Variants in EIF4ENIF1 observed in about 807,000 individuals in gnomAD.
EIF4ENIF1 encodes eukaryotic translation initiation factor 4E transporter.
A neutral mutation model predicts 110.5 loss-of-function variants in EIF4ENIF1; 23 were observed. That is an observed-to-expected ratio of 0.21 (90% CI 0.15 to 0.29). EIF4ENIF1 has a LOEUF of 0.29. Among genes scored for constraint, EIF4ENIF1 ranks in the 10% least tolerant of loss-of-function variants. The pLI, the probability that EIF4ENIF1 is intolerant of heterozygous loss-of-function variation, is 1.00. For synonymous variants in EIF4ENIF1, 440 were observed against 437.0 expected, an observed-to-expected ratio of 1.01 and a Z score of -0.09; for missense variants, 1,031 against 1,221.1, an observed-to-expected ratio of 0.84 and a Z score of 2.32.
chr22:31,449,558 T>G, intron 11 of EIF4ENIF1, 27 bp from the exon 12 acceptor site: 1 of 1,598,876 alleles, frequency 6.3e-7, no homozygotes, highest in Non-Finnish European at 8.5e-7. Flanking sequence ...CAAATCCCTG[T>G]GAACTTAGTT....
At chr22:31,487,296 G>A (rs1371063336) in intron 2 of EIF4ENIF1, among the ~76,000 whole-genome samples, 1 of 152,150 alleles carries the variant, frequency 6.6e-6, no homozygotes, top group Non-Finnish European at 1.5e-5. Context: ...TCCTAAGAGA[G>A]CAATCAACCA....
upstream of EIF4ENIF1, among the ~76,000 whole-genome samples, chr22:31,490,726 C>T (rs1443190323): frequency 6.6e-6 from 1 of 152,092 alleles, no homozygotes; most frequent in Non-Finnish European, 1.5e-5. Context: ...TAACTGCATC[C>T]TGGGGAGGAA....
chr22:31,449,817 G>A (rs887199459), intron 11 of EIF4ENIF1, among the ~76,000 whole-genome samples: 7 of 150,280 alleles, frequency 4.7e-5, no homozygotes, highest in African/African-American at 1.7e-4. Flanking sequence ...CACAACCTCT[G>A]CCTACCGGGT....
chr22:31,490,259 A>G (rs1217464598), upstream of EIF4ENIF1, among the ~76,000 whole-genome samples: 5 of 152,240 alleles, frequency 3.3e-5, no homozygotes, highest in African/African-American at 1.2e-4. Context: ...TGGCGCGACG[A>G]CCGCTGTATT....
chr22:31,463,180 T>C (rs1311470764), intron 5 of EIF4ENIF1, 47 bp from the exon 6 acceptor site: 5 of 1,575,528 alleles, frequency 3.2e-6, no homozygotes, highest in Non-Finnish European at 4.3e-6. Flanking sequence ...AGTCAAGCCA[T>C]TTCTACTTCA....
At position 31,450,469 on chromosome 22, in the gene EIF4ENIF1, A is replaced by G. The variant is rs113996880; in HGVS notation, c.1513-109T>C. 9.9e-4 allele frequency: 779 copies of G among 786,386 alleles called. 6 individuals carry two copies. The African/African-American group carries it at 0.012, about 12-fold the overall frequency. 48.7% of individuals were successfully genotyped at this position (786,386 alleles called of 1,614,324 possible). A position where few individuals can be genotyped will look rare whatever the true frequency, so the allele number is the denominator to read the frequency against. The stretch of plus-strand genomic sequence containing the variant: ...AATACTCCTAGGGAGTTAATAGCAG[A>G]ATGATACTCAAGTCACAGAAAACTT... On this transcript the variant is annotated intron_variant, in intron 10 of 18. Coordinates refer to ENST00000330125, the MANE Select transcript of EIF4ENIF1 (RefSeq NM_019843.4).
intron 13 of EIF4ENIF1, among the ~76,000 whole-genome samples, chr22:31,447,788 T>G (rs1905150670): frequency 1.3e-5 from 2 of 152,184 alleles, no homozygotes; most frequent in Admixed American, 1.3e-4. Flanking sequence ...GCTTGAAATA[T>G]AGATCAAAAC....
At chr22:31,457,523 C>G (rs1250242821) in intron 7 of EIF4ENIF1, among the ~76,000 whole-genome samples, 1 of 152,052 alleles carries the variant, frequency 6.6e-6, no homozygotes, top group Non-Finnish European at 1.5e-5. Context: ...AAACAGAAAA[C>G]ATGCTTTTTC....
intron 2 of EIF4ENIF1, among the ~76,000 whole-genome samples, chr22:31,486,634 C>G (rs2052040210): frequency 6.6e-6 from 1 of 151,988 alleles, no homozygotes; most frequent in Non-Finnish European, 1.5e-5. Flanking sequence ...CAAAAATTAG[C>G]TGGGCATGGT....
intron 2 of EIF4ENIF1, among the ~76,000 whole-genome samples, chr22:31,480,431 C>A (rs1003412349): frequency 1.3e-5 from 2 of 152,196 alleles, no homozygotes; most frequent in African/African-American, 4.8e-5. Context: ...TAGAATTTCA[C>A]ATAAGTCACA....
At chr22:31,445,891 G>GCCC (rs2145908980) in intron 14 of EIF4ENIF1, among the ~76,000 whole-genome samples, 1 of 148,966 alleles carries the variant, frequency 6.7e-6, no homozygotes, top group East Asian at 2.1e-4. Flanking sequence ...ATGCTTGCTA[G>GCCC]TTTTGAGTAA....
At chr22:31,474,518 T>C (rs1219813656) in intron 2 of EIF4ENIF1, among the ~76,000 whole-genome samples, 4 of 150,946 alleles carry the variant, frequency 2.6e-5, no homozygotes, top group Non-Finnish European at 5.9e-5. Flanking sequence ...AAGACTGTCA[T>C]ACGTTCTAGC....
intron 16 of EIF4ENIF1, among the ~76,000 whole-genome samples, chr22:31,442,524 T>C (rs1404262262): frequency 6.6e-6 from 1 of 152,174 alleles, no homozygotes; most frequent in East Asian, 1.9e-4. Flanking sequence ...GGAATCCGCA[T>C]GTTACCACGT....
At chr22:31,482,327 G>A (rs944100993) in intron 2 of EIF4ENIF1, among the ~76,000 whole-genome samples, 5 of 152,160 alleles carry the variant, frequency 3.3e-5, no homozygotes, top group African/African-American at 1.2e-4. Context: ...ATTTAATAAG[G>A]AATCAGTGGC....
At chr22:31,446,285 C>CAAAA (rs3068275) in intron 14 of EIF4ENIF1, among the ~76,000 whole-genome samples, 3 of 105,692 alleles carry the variant, frequency 2.8e-5, no homozygotes, top group Non-Finnish European at 3.6e-5. Flanking sequence ...AGATTGTCTC[C>CAAAA]AAAAAAAAAA....
chr22:31,484,181 C>T (rs1053020618), intron 2 of EIF4ENIF1, among the ~76,000 whole-genome samples: 10 of 152,128 alleles, frequency 6.6e-5, no homozygotes, highest in African/African-American at 2.4e-4. Context: ...GTAGAATCTT[C>T]AGGACCACCC....
intron 4 of EIF4ENIF1, among the ~76,000 whole-genome samples, chr22:31,467,714 T>C (rs1171222792): frequency 6.6e-6 from 1 of 151,992 alleles, no homozygotes; most frequent in African/African-American, 2.4e-5. Context: ...TCCCAGCTAC[T>C]TGGGTGGCTA....
At chr22:31,454,754 A>G (rs1210971972) in intron 9 of EIF4ENIF1, among the ~76,000 whole-genome samples, 2 of 152,162 alleles carry the variant, frequency 1.3e-5, no homozygotes, top group Admixed American at 1.3e-4. Context: ...CGTGGTCATT[A>G]TATCACTAAG....
upstream of EIF4ENIF1, among the ~76,000 whole-genome samples, chr22:31,491,432 C>G (rs2052278167): frequency 6.6e-6 from 1 of 152,176 alleles, no homozygotes; most frequent in Admixed American, 6.6e-5. Context: ...AATCCTGACC[C>G]TGCCAATTAG....
Sources: allele counts gnomAD v4.1 joint callset (sites outside exome capture counted in the v4.1 genomes callset), GRCh38; gene constraint gnomAD v4.1.1; transcripts MANE v1.5; gene names NCBI Gene and HGNC (gene_info 2026-07-23, HGNC 2026-07-21).